NWD2: variants seen among roughly 807,000 people sequenced by gnomAD.
The protein encoded by NWD2 is NACHT and WD repeat domain containing 2.
Under a neutral mutation model 132.7 loss-of-function variants are expected in NWD2, and 37 were observed. The observed-to-expected ratio is 0.28, with a 90% CI of 0.21 to 0.37. The LOEUF (loss-of-function observed/expected upper bound fraction) is 0.37, where lower values mean the gene tolerates loss of function less well. Ranked by LOEUF, NWD2 falls within the 10% of genes least tolerant of loss-of-function variation. The pLI is 1.00. For synonymous variants in NWD2, 705 were observed against 803.0 expected, an observed-to-expected ratio of 0.88 and a Z score of 2.06; for missense variants, 1,592 against 2,122.4, an observed-to-expected ratio of 0.75 and a Z score of 4.91.
intron 1 of NWD2, among the ~76,000 whole-genome samples, chr4:37,294,563 A>G (rs568430954): frequency 6.6e-6 from 1 of 152,312 alleles, no homozygotes; most frequent in East Asian, 1.9e-4. Flanking sequence ...AACATTGACA[A>G]AGAAGATGTA....
At chr4:37,321,700 T>C (rs1424243006) in intron 1 of NWD2, among the ~76,000 whole-genome samples, 1 of 152,232 alleles carries the variant, frequency 6.6e-6, no homozygotes. Context: ...TCAAGTTTTT[T>C]ATTTAATTAA....
At chr4:37,293,078 C>G (rs756562020) in intron 1 of NWD2, among the ~76,000 whole-genome samples, 1 of 152,146 alleles carries the variant, frequency 6.6e-6, no homozygotes, top group Admixed American at 6.5e-5. Flanking sequence ...CAATTGTAAA[C>G]GGGCTGGTAC....
intron 1 of NWD2, among the ~76,000 whole-genome samples, chr4:37,310,739 C>G (rs1444028113): frequency 3.4e-5 from 5 of 148,764 alleles, no homozygotes; most frequent in Non-Finnish European, 5.9e-5. Context: ...CCCATTAACT[C>G]GTCATTTAGC....
In NWD2 at chr4:37,447,094, C is replaced by T. The variant is rs1180686028; in HGVS notation, c.5106C>T (p.Pro1702=). 6.4e-7 allele frequency: 1 copy of T among 1,551,568 alleles called. No individual in the cohort carries two copies. Among genetic ancestry groups the T allele is most frequent in the South Asian group, 1.2e-5 (1 of 84,050 alleles). The change falls in exon 7 of 7, where the codon CCC becomes CCT. Residue 1702 remains proline (P), a synonymous_variant. Coordinates refer to ENST00000309447, the MANE Select transcript of NWD2 (RefSeq NM_001144990.2). ...ESTEVFARDS[P]ITVSDSTESN... is the part of the protein sequence containing the mutation. ...CTGAGGTCTTTGCAAGAGACAGCCC[C>T]ATCACAGTTAGTGACTCTACTGAGT...
In NWD2 at chr4:37,443,982, T is replaced by C; in HGVS notation, c.1994T>C (p.Ile665Thr). 1 of 1,552,290 alleles carries C rather than the reference T, an allele frequency of 6.4e-7. No individual in the cohort carries two copies. Among genetic ancestry groups the C allele is most frequent in the South Asian group, 1.2e-5 (1 of 84,054 alleles). Reference protein sequence around the residue: ...QKLVSRALGYITMAKMGLSEM... With the variant: ...QKLVSRALGYTTMAKMGLSEM... ...CTGGTCTCTAGGGCTCTTGGTTACA[T>C]CACCATGGCCAAAATGGGTCTGAGT... is the stretch of plus-strand genomic sequence containing the variant. Residue 665 changes from isoleucine to threonine, a missense_variant, in exon 7 of 7, where the codon ATC (isoleucine) becomes ACC (threonine). Physicochemically the swap from Ile to Thr is moderately conservative, Grantham distance 89 (BLOSUM62 -1). Coordinates refer to ENST00000309447, the MANE Select transcript of NWD2 (RefSeq NM_001144990.2). The surrounding 1 kb of genome is among the most constrained non-coding windows in gnomAD (Gnocchi z 4.1).
rs370757218 is a variant in NWD2, at chr4:37,444,979, G to C, written c.2991G>C (p.Glu997Asp). 20 of 1,551,906 alleles carry C rather than the reference G, an allele frequency of 1.3e-5. No homozygotes were observed. The East Asian group carries it at 4.6e-4, about 36-fold the overall frequency. Residue 997 changes from glutamate (E) to aspartate (D), a missense_variant, in exon 7 of 7, where the codon GAG becomes GAC. Coordinates refer to ENST00000309447, the MANE Select transcript of NWD2 (RefSeq NM_001144990.2). This position sits in a 1 kb window ranked among gnomAD's most constrained non-coding sequence, Gnocchi z 4.8. ...ENGSISTWDV[E>D]TRQLLRQITT... is the part of the protein sequence containing the mutation. ...GTTCCATCAGCACCTGGGATGTAGA[G>C]ACTCGACAGCTACTCAGGCAAATCA...
intron 2 of NWD2, among the ~76,000 whole-genome samples, chr4:37,333,108 A>G (rs1014109527): frequency 6.6e-6 from 1 of 151,832 alleles, no homozygotes; most frequent in African/African-American, 2.4e-5. Context: ...GAGGTTTCCA[A>G]CTCCAGGCCC....
intron 2 of NWD2, among the ~76,000 whole-genome samples, chr4:37,353,311 G>A (rs777182122): frequency 4.6e-4 from 70 of 152,050 alleles, no homozygotes; most frequent in Non-Finnish European, 8.2e-4. Context: ...TGAATCTGAC[G>A]ATTATGTGTC....
intron 4 of NWD2, among the ~76,000 whole-genome samples, 167 bp downstream of exon 4, chr4:37,430,942 C>T (rs1437096766): frequency 6.6e-6 from 1 of 152,092 alleles, no homozygotes; most frequent in Non-Finnish European, 1.5e-5. Context: ...GATCCTTAGG[C>T]AAACACAAAT....
Position 37,245,227 on chromosome 4 carries a change from C to G in NWD2, c.151+9C>G. ...CAGCGCCAACCCTGAAGGTACGTCCCTCGCTCGGGTTTGCCCGTCCGTCCT... is the reference window on the plus strand; with the variant it reads ...CAGCGCCAACCCTGAAGGTACGTCCGTCGCTCGGGTTTGCCCGTCCGTCCT... On this transcript the variant is annotated intron_variant, in intron 1 of 6. Coordinates refer to ENST00000309447, the MANE Select transcript of NWD2 (RefSeq NM_001144990.2). 2 of 1,531,698 alleles carry G rather than the reference C, an allele frequency of 1.3e-6. No individual in the cohort carries two copies. Among genetic ancestry groups the G allele is most frequent in the South Asian group, 1.2e-5 (1 of 83,054 alleles). 94.9% of individuals were successfully genotyped at this position (1,531,698 alleles called of 1,614,324 possible).
At chr4:37,256,511 G>A (rs927555166) in intron 1 of NWD2, among the ~76,000 whole-genome samples, 4 of 152,088 alleles carry the variant, frequency 2.6e-5, no homozygotes, top group Non-Finnish European at 5.9e-5. Context: ...GATCACACTC[G>A]ATTGATGATA....
At position 37,326,035 on chromosome 4, in the gene NWD2, T is replaced by C. The variant is rs1719167277; in HGVS notation, c.240+11T>C. On this transcript the variant is annotated intron_variant, in intron 2 of 6. Transcript: ENST00000309447. ...GGATTGGAATTTCAGGTAATTCTAG[T>C]GTTAATTTCATTCACAGTTATGTCC... is the stretch of plus-strand genomic sequence containing the variant. 6.8e-7 allele frequency: 1 copy of C among 1,468,760 alleles called. No homozygotes were observed. The highest frequency in any genetic ancestry group is 1.4e-5 in the African/African-American group (1 of 71,360). 91.0% of individuals were successfully genotyped at this position (1,468,760 alleles called of 1,614,324 possible).
chr4:37,282,749 A>G (rs866675525), intron 1 of NWD2, among the ~76,000 whole-genome samples: 12 of 152,196 alleles, frequency 7.9e-5, no homozygotes, highest in Admixed American at 5.2e-4. Flanking sequence ...AAGCTACACC[A>G]TGAGTATCCT....
At chr4:37,312,202 T>C (rs367843616) in intron 1 of NWD2, among the ~76,000 whole-genome samples, 19 of 151,658 alleles carry the variant, frequency 1.3e-4, no homozygotes, top group Non-Finnish European at 1.9e-4. Context: ...GGCATTGAAT[T>C]TATAAATTAC....
chr4:37,406,403 A>G (rs1423936500), intron 3 of NWD2, among the ~76,000 whole-genome samples: 1 of 152,240 alleles, frequency 6.6e-6, no homozygotes, highest in Non-Finnish European at 1.5e-5. Context: ...ATCTAGAACC[A>G]GAAATGCCAT....
chr4:37,315,397 A>G (rs181400733), intron 1 of NWD2, among the ~76,000 whole-genome samples: 48 of 152,018 alleles, frequency 3.2e-4, no homozygotes, highest in African/African-American at 7.5e-4. Context: ...TGGAATATCT[A>G]TTTCTTCTTT....
intron 6 of NWD2, among the ~76,000 whole-genome samples, chr4:37,441,346 G>T (rs1161202125): frequency 2.0e-5 from 3 of 152,166 alleles, no homozygotes; most frequent in Non-Finnish European, 2.9e-5. Flanking sequence ...ACCATGAGGG[G>T]CACCTGAGAA....
At position 37,445,557 on chromosome 4, in the gene NWD2, G is replaced by A; in HGVS notation, c.3569G>A (p.Ser1190Asn). ...TDDFDCRRED[S>N]EVVSIELSED... ...GACTTTGATTGCCGAAGAGAAGACA[G>A]TGAGGTGGTCAGCATTGAGCTTTCA... The change falls in exon 7 of 7, where the codon AGT (serine) becomes AAT (asparagine). Residue 1190 changes from serine (S) to asparagine (N), a missense_variant. Ser to Asn is a conservative substitution (Grantham distance 46). This residue lies in a region of NWD2 where 1,071 missense variants were observed against 1,398.0 expected (regional missense o/e 0.77). Coordinates refer to ENST00000309447, the MANE Select transcript of NWD2 (RefSeq NM_001144990.2). This position sits in a 1 kb window ranked among gnomAD's most constrained non-coding sequence, Gnocchi z 4.7. 1.3e-6 allele frequency: 2 copies of A among 1,552,240 alleles called. No individual in the cohort carries two copies. Among genetic ancestry groups the A allele is most frequent in the African/African-American group, 1.4e-5 (1 of 73,176 alleles).
chr4:37,383,227 A>T (rs903566531), intron 3 of NWD2, among the ~76,000 whole-genome samples: 1 of 152,166 alleles, frequency 6.6e-6, no homozygotes, highest in African/African-American at 2.4e-5. Flanking sequence ...TCTAACACAT[A>T]TGGGACTAGC....
Sources: allele counts gnomAD v4.1 joint callset (sites outside exome capture counted in the v4.1 genomes callset), GRCh38; gene constraint gnomAD v4.1.1; regional missense constraint gnomAD v4.1.1; non-coding constraint Gnocchi (gnomAD v3.1); transcripts MANE v1.5; gene names NCBI Gene and HGNC (gene_info 2026-07-23, HGNC 2026-07-21).